HS2ST1: variants seen among roughly 807,000 people sequenced by gnomAD.
The protein encoded by HS2ST1 is heparan sulfate 2-O-sulfotransferase 1.
HS2ST1 carries 18 observed loss-of-function variants against 42.9 expected under a neutral mutation model. The observed-to-expected ratio is 0.42, with a 90% CI of 0.29 to 0.62. The LOEUF is 0.62. HS2ST1 is among the 20% of genes least tolerant of loss of function. HS2ST1 has a pLI of 0.21. For missense variants in HS2ST1, 334 were observed against 433.8 expected (o/e 0.77, Z 2.04); for synonymous variants, 146 against 152.9 (o/e 0.95, Z 0.33).
At chr1:86,956,311 A>G (rs1647674796) in intron 1 of HS2ST1, among the ~76,000 whole-genome samples, 1 of 152,246 alleles carries the variant, frequency 6.6e-6, no homozygotes, top group African/African-American at 2.4e-5. Flanking sequence ...TTCAGAGGAA[A>G]GAGTAATAGA....
At chr1:86,931,430 T>G (rs748163484) in intron 1 of HS2ST1, among the ~76,000 whole-genome samples, 14 of 152,080 alleles carry the variant, frequency 9.2e-5, no homozygotes, top group Non-Finnish European at 1.8e-4. Flanking sequence ...ACCAAAAAGA[T>G]CTCTATATGT....
intron 1 of HS2ST1, among the ~76,000 whole-genome samples, chr1:86,944,204 G>A (rs1403164771): frequency 6.6e-6 from 1 of 152,116 alleles, no homozygotes; most frequent in Non-Finnish European, 1.5e-5. Context: ...GAATTAATAG[G>A]AAGCATAAAC....
At chr1:86,954,122 C>T (rs938513118) in intron 1 of HS2ST1, among the ~76,000 whole-genome samples, 26 of 144,612 alleles carry the variant, frequency 1.8e-4, no homozygotes, top group African/African-American at 6.4e-4. Context: ...GAGGTCGAGG[C>T]GGGCAGGTCA....
intron 1 of HS2ST1, among the ~76,000 whole-genome samples, chr1:87,026,269 A>G (rs979612405): frequency 6.6e-6 from 1 of 152,184 alleles, no homozygotes; most frequent in African/African-American, 2.4e-5. Flanking sequence ...CTGATGAGAA[A>G]TACTTGTAAT....
chr1:87,099,055 G>A (rs1570547370), intron 5 of HS2ST1, among the ~76,000 whole-genome samples: 1 of 152,298 alleles, frequency 6.6e-6, no homozygotes, highest in East Asian at 1.9e-4. Context: ...TGGGATTACA[G>A]GCATGAGCCA....
intron 1 of HS2ST1, among the ~76,000 whole-genome samples, chr1:87,068,963 G>A (rs1201828820): frequency 6.6e-6 from 1 of 152,136 alleles, no homozygotes; most frequent in Non-Finnish European, 1.5e-5. Context: ...AGTAGCAGTA[G>A]CTGGGACTAC....
At chr1:87,050,459 A>G (rs1169742131) in intron 1 of HS2ST1, among the ~76,000 whole-genome samples, 1 of 151,992 alleles carries the variant, frequency 6.6e-6, no homozygotes, top group Non-Finnish European at 1.5e-5. Context: ...CTACATTAGA[A>G]ATAAAATGGC....
Position 86,915,122 on chromosome 1 carries a change from A to G in HS2ST1, c.86A>G (p.Asn29Ser). Residue 29 changes from asparagine (N) to serine (S), a missense_variant, in exon 1 of 7, where the codon AAC becomes AGC. Coordinates refer to ENST00000370550, the MANE Select transcript of HS2ST1 (RefSeq NM_012262.4). ...GCGGTGGCGATGCTCTTCTTGGAAA[A>G]CCAGATCCAGAAACTGGAGGAGTCC... ...AFAVAMLFLE[N>S]QIQKLEESRS... 1 of 1,613,880 alleles carries G rather than the reference A, an allele frequency of 6.2e-7. No individual in the cohort carries two copies. The highest frequency in any genetic ancestry group is 8.5e-7 in the Non-Finnish European group (1 of 1,179,930).
Position 86,982,174 on chromosome 1 carries a change from C to T in HS2ST1, c.124+67014C>T, listed in dbSNP as rs78513331. 9.0e-3 allele frequency among the ~76,000 whole-genome samples: 1,371 copies of T among 152,314 alleles called. 22 individuals carry two copies. The highest frequency in any genetic ancestry group is 0.032 in the African/African-American group (1,325 of 41,566). Reference sequence around the variant, plus strand: ...TGGAGCAGCTGGAATGCAGGGTGCTCTCCTGGGGCTGCACAGAGCAGCAGA... The same window carrying T: ...TGGAGCAGCTGGAATGCAGGGTGCTTTCCTGGGGCTGCACAGAGCAGCAGA... On this transcript the variant is annotated intron_variant, in intron 1 of 6. Transcript: ENST00000370550.
rs1652398395 is a variant in HS2ST1 at position 87,108,903 on chromosome 1, CTTTTA to C, written c.*4214_*4218del. 6.6e-6 allele frequency: 1 copy of C among 152,464 alleles called. No homozygotes were observed. The highest frequency in any genetic ancestry group is 1.5e-5 in the Non-Finnish European group (1 of 67,934). The allele number at this position is 152,464 out of a possible 1,614,324, so 9.4% of individuals were successfully genotyped here. Reference sequence around the variant, plus strand: ...CGGAAACATGGATTGTGTATTTTGACTTTTATTTTATAAATACACAGCTCAACAGT... The same window carrying C: ...CGGAAACATGGATTGTGTATTTTGACTTTTATAAATACACAGCTCAACAGT... On this transcript the variant is annotated 3_prime_UTR_variant, in exon 7 of 7. Coordinates refer to ENST00000370550, the MANE Select transcript of HS2ST1 (RefSeq NM_012262.4).
chr1:87,091,153 G>C (rs1324538391), intron 3 of HS2ST1, among the ~76,000 whole-genome samples: 1 of 151,892 alleles, frequency 6.6e-6, no homozygotes, highest in Non-Finnish European at 1.5e-5. Context: ...TGTATTCCTA[G>C]TACCTAGAAT....
chr1:86,965,739 C>T (rs1488386989), intron 1 of HS2ST1, among the ~76,000 whole-genome samples: 1 of 151,998 alleles, frequency 6.6e-6, no homozygotes. Flanking sequence ...GCTTGTGCTA[C>T]TTAGATATAG....
intron 1 of HS2ST1, among the ~76,000 whole-genome samples, chr1:87,016,084 G>T (rs1377271888): frequency 6.6e-6 from 1 of 152,150 alleles, no homozygotes; most frequent in African/African-American, 2.4e-5. Flanking sequence ...CAAAGTGCTG[G>T]GATTACAGGT....
intron 1 of HS2ST1, among the ~76,000 whole-genome samples, chr1:86,925,292 T>G (rs150154927): frequency 2.0e-5 from 3 of 152,300 alleles, no homozygotes; most frequent in African/African-American, 7.2e-5. Flanking sequence ...TTTCCCACAT[T>G]TTCCTGTCTT....
At chr1:87,095,247 A>G (rs2100652089) in intron 4 of HS2ST1, among the ~76,000 whole-genome samples, 1 of 152,268 alleles carries the variant, frequency 6.6e-6, no homozygotes, top group Non-Finnish European at 1.5e-5. Flanking sequence ...GGTGGCCATG[A>G]TTATGTTGGA....
At chr1:87,023,867 A>G (rs182069399) in intron 1 of HS2ST1, among the ~76,000 whole-genome samples, 18 of 152,092 alleles carry the variant, frequency 1.2e-4, no homozygotes, top group Middle Eastern at 3.4e-3. Context: ...TTTGATTTAA[A>G]TATATCTATT....
At chr1:87,048,883 A>G (rs955065196) in intron 1 of HS2ST1, among the ~76,000 whole-genome samples, 2 of 152,144 alleles carry the variant, frequency 1.3e-5, no homozygotes, top group African/African-American at 4.8e-5. Context: ...TGCCTCTATA[A>G]GGGATTTCAT....
At chr1:87,039,996 A>ATGT (rs1409350973) in intron 1 of HS2ST1, among the ~76,000 whole-genome samples, 1 of 152,190 alleles carries the variant, frequency 6.6e-6, no homozygotes, top group Non-Finnish European at 1.5e-5. Flanking sequence ...GAGGGATTGA[A>ATGT]TGTTGTTCTT....
At chr1:87,071,915 A>G (rs371761251) in intron 1 of HS2ST1, among the ~76,000 whole-genome samples, 14 of 152,006 alleles carry the variant, frequency 9.2e-5, no homozygotes, top group African/African-American at 3.1e-4. Flanking sequence ...TCCCCGTGCA[A>G]AGTATTTGCA....
Sources: allele counts gnomAD v4.1 joint callset (sites outside exome capture counted in the v4.1 genomes callset), GRCh38; gene constraint gnomAD v4.1.1; transcripts MANE v1.5; gene names NCBI Gene and HGNC (gene_info 2026-07-23, HGNC 2026-07-21).